Variants in CNBD1 observed in about 807,000 individuals in gnomAD.
The protein encoded by CNBD1 is cyclic nucleotide binding domain containing 1.
Under a neutral mutation model 54.4 loss-of-function variants are expected in CNBD1, and 71 were observed. The ratio of observed to expected loss-of-function variants is 1.30; its 90% CI spans 1.08 to 1.59. CNBD1 has a LOEUF of 1.59. Ranked by LOEUF, CNBD1 falls within the 40% of genes most tolerant of loss-of-function variation. The probability of loss-of-function intolerance (pLI) is 0.00; values close to 1 mark genes in which losing one functional copy is unlikely to be tolerated. For missense variants in CNBD1, 659 were observed against 518.0 expected (o/e 1.27, Z -2.64); for synonymous variants, 182 against 170.7 (o/e 1.07, Z -0.51).
At chr8:87,334,016 G>GT (rs796222950) in intron 8 of CNBD1, among the ~76,000 whole-genome samples, 132 of 151,498 alleles carry the variant, frequency 8.7e-4, no homozygotes, top group African/African-American at 3.1e-3. Context: ...TTGTTTCTTT[G>GT]TTTTTTGGTC....
intron 3 of CNBD1, among the ~76,000 whole-genome samples, chr8:86,905,761 C>G (rs1287833941): frequency 6.6e-6 from 1 of 152,188 alleles, no homozygotes; most frequent in Non-Finnish European, 1.5e-5. Flanking sequence ...ATTGCCAGAT[C>G]ACATTGTGAT....
chr8:87,293,674 A>G (rs878872589), intron 8 of CNBD1, among the ~76,000 whole-genome samples: 2 of 152,258 alleles, frequency 1.3e-5, no homozygotes, highest in African/African-American at 4.8e-5. Context: ...ATGATTTTTA[A>G]ACAAATGAGA....
At chr8:87,296,293 G>A (rs1200595629) in intron 8 of CNBD1, among the ~76,000 whole-genome samples, 1 of 152,048 alleles carries the variant, frequency 6.6e-6, no homozygotes, top group African/African-American at 2.4e-5. Flanking sequence ...ACATACTTTT[G>A]GGAATGCCTT....
At chr8:87,312,508 G>A (rs1045175601) in intron 8 of CNBD1, among the ~76,000 whole-genome samples, 4 of 152,048 alleles carry the variant, frequency 2.6e-5, no homozygotes, top group Non-Finnish European at 5.9e-5. Context: ...GTGAAATATA[G>A]TGGGGTTTGA....
At chr8:87,128,316 G>A (rs112790506) in intron 4 of CNBD1, among the ~76,000 whole-genome samples, 9 of 152,300 alleles carry the variant, frequency 5.9e-5, no homozygotes, top group African/African-American at 1.9e-4. Flanking sequence ...TTTGGGAGTT[G>A]CAGACACTCA....
intron 6 of CNBD1, among the ~76,000 whole-genome samples, chr8:87,238,914 G>A (rs1807634820): frequency 6.6e-6 from 1 of 152,040 alleles, no homozygotes; most frequent in East Asian, 1.9e-4. Context: ...CCTATGCCAT[G>A]GTCCTTATAA....
chr8:86,946,526 T>C (rs1807470037), intron 4 of CNBD1, among the ~76,000 whole-genome samples: 1 of 152,156 alleles, frequency 6.6e-6, no homozygotes, highest in African/African-American at 2.4e-5. Context: ...CTGAGGCTTC[T>C]TGTTTTCGGT....
At chr8:87,018,849 A>G (rs1171889258) in intron 4 of CNBD1, among the ~76,000 whole-genome samples, 1 of 152,184 alleles carries the variant, frequency 6.6e-6, no homozygotes, top group East Asian at 1.9e-4. Context: ...TTAAAACAAA[A>G]TCAAACCCTC....
In CNBD1 at chr8:87,183,392, T is replaced by G. The variant is rs1301586895; in HGVS notation, c.432-22601T>G. 1.0e-3 allele frequency among the ~76,000 whole-genome samples: 149 copies of G among 142,652 alleles called. 2 individuals are homozygous for G. Among genetic ancestry groups the G allele is most frequent in the African/African-American group, 3.5e-3 (141 of 40,124 alleles). The allele number at this position is 142,652 out of a possible 152,430, so 93.6% of individuals were successfully genotyped here. On this transcript the variant is annotated intron_variant, in intron 4 of 10. Coordinates refer to ENST00000518476, the MANE Select transcript of CNBD1 (RefSeq NM_173538.3). ...TTTGTTTTTGCGCTGTTTGTTTTTT[T>G]TTTTTTTTTTTGCTAATGATGGCTA...
intron 4 of CNBD1, among the ~76,000 whole-genome samples, chr8:87,102,069 A>G (rs1343299946): frequency 6.6e-6 from 1 of 151,892 alleles, no homozygotes; most frequent in Non-Finnish European, 1.5e-5. Context: ...TTATATTTTT[A>G]GTAGAGATGG....
chr8:87,356,092 G>T (rs1810414798), intron 10 of CNBD1, among the ~76,000 whole-genome samples: 1 of 125,210 alleles, frequency 8.0e-6, no homozygotes, highest in Non-Finnish European at 1.8e-5. Context: ...AGATGTTGTT[G>T]CCATGCTTGT....
intron 4 of CNBD1, among the ~76,000 whole-genome samples, chr8:87,101,343 A>G (rs2130693345): frequency 6.6e-6 from 1 of 152,298 alleles, no homozygotes; most frequent in African/African-American, 2.4e-5. Flanking sequence ...AGTGTGGGAA[A>G]GAACCAAATG....
intron 10 of CNBD1, among the ~76,000 whole-genome samples, chr8:87,356,679 T>A (rs1287148334): frequency 1.3e-5 from 2 of 152,158 alleles, no homozygotes; most frequent in Non-Finnish European, 2.9e-5. Flanking sequence ...TTTGAAAAAT[T>A]CACACTCTAG....
intron 4 of CNBD1, among the ~76,000 whole-genome samples, chr8:87,020,220 AT>A (rs971514618): frequency 9.3e-5 from 14 of 150,344 alleles, no homozygotes; most frequent in South Asian, 4.2e-4. Flanking sequence ...CTGATCTAGG[AT>A]TTTTTTTTTA....
chr8:86,986,061 C>T (rs1808599975), intron 4 of CNBD1, among the ~76,000 whole-genome samples: 1 of 151,836 alleles, frequency 6.6e-6, no homozygotes, highest in Non-Finnish European at 1.5e-5. Flanking sequence ...CTCCCAAGTA[C>T]CTGAGATTAC....
chr8:87,102,777 C>A (rs952559154), intron 4 of CNBD1, among the ~76,000 whole-genome samples: 2 of 151,998 alleles, frequency 1.3e-5, no homozygotes, highest in East Asian at 3.9e-4. Flanking sequence ...AAACGCCCGG[C>A]TAATTTTTTT....
intron 4 of CNBD1, among the ~76,000 whole-genome samples, chr8:87,075,866 G>T (rs1810858716): frequency 6.6e-6 from 1 of 152,132 alleles, no homozygotes; most frequent in Non-Finnish European, 1.5e-5. Flanking sequence ...AACCCCTGGG[G>T]TTTTGGTAAA....
At chr8:87,391,310 A>C (rs1006425171) in intron 2 of CNBD1, among the ~76,000 whole-genome samples, 1 of 152,102 alleles carries the variant, frequency 6.6e-6, no homozygotes, top group Non-Finnish European at 1.5e-5. Context: ...CACAAATTCA[A>C]TGCAGTCCCT....
chr8:87,006,061 A>C (rs1809091754), intron 4 of CNBD1, among the ~76,000 whole-genome samples: 1 of 152,230 alleles, frequency 6.6e-6, no homozygotes, highest in Non-Finnish European at 1.5e-5. Context: ...ATGCTGAGGA[A>C]CATTGAGGCC....
Sources: gnomAD v4.1 joint callset for allele counts (sites outside exome capture counted in the v4.1 genomes callset) on GRCh38, gnomAD v4.1.1 for gene constraint, MANE v1.5 for transcripts, NCBI Gene and HGNC (gene_info 2026-07-23, HGNC 2026-07-21) for gene names.